TENM3: variants seen among roughly 807,000 people sequenced by gnomAD.
TENM3 encodes the protein teneurin-3.
TENM3 carries 63 observed loss-of-function variants against 255.1 expected under a neutral mutation model. That is an observed-to-expected ratio of 0.25 (90% CI 0.20 to 0.30). TENM3 has a LOEUF of 0.30. Among genes scored for constraint, TENM3 ranks in the 10% least tolerant of loss-of-function variants. The pLI is 1.00. For missense variants in TENM3, 2,929 were observed against 3,461.1 expected (o/e 0.85, Z 3.86); for synonymous variants, 1,306 against 1,322.3 (o/e 0.99, Z 0.27).
At chr4:181,928,880 T>C in the TENM3 span, among the ~76,000 whole-genome samples, 1 of 152,142 alleles carries the variant, frequency 6.6e-6, no homozygotes, top group Non-Finnish European at 1.5e-5. Context: ...AATATTCAAC[T>C]TTCTTAAAGA....
chr4:181,761,042 C>A, the TENM3 span, among the ~76,000 whole-genome samples: 1 of 148,340 alleles, frequency 6.7e-6, no homozygotes, highest in Admixed American at 6.7e-5. Context: ...TAAGTCTGTT[C>A]TATAAATTAT....
chr4:181,587,438 C>T, the TENM3 span, among the ~76,000 whole-genome samples: 31 of 152,182 alleles, frequency 2.0e-4, no homozygotes, highest in African/African-American at 7.0e-4. Context: ...ATGAAGCCTC[C>T]ATTTGCCGTC....
chr4:182,099,814 G>A, the TENM3 span, among the ~76,000 whole-genome samples: 1 of 152,160 alleles, frequency 6.6e-6, no homozygotes, highest in Admixed American at 6.5e-5. Context: ...GAAAAAGGCA[G>A]TAATCAGAAG....
intron 7 of TENM3, among the ~76,000 whole-genome samples, chr4:182,675,021 C>T (rs1046888539): frequency 2.6e-5 from 4 of 151,940 alleles, no homozygotes; most frequent in Non-Finnish European, 5.9e-5. Context: ...GGATTACAGG[C>T]GTGCACCACT....
At chr4:182,433,842 G>A (rs546983170) in intron 3 of TENM3, among the ~76,000 whole-genome samples, 4 of 152,226 alleles carry the variant, frequency 2.6e-5, no homozygotes, top group South Asian at 2.1e-4. Flanking sequence ...GCTGGGTGGC[G>A]TGATGGCTCA....
At chr4:182,466,505 A>G (rs981426141) in intron 3 of TENM3, among the ~76,000 whole-genome samples, 4 of 151,556 alleles carry the variant, frequency 2.6e-5, no homozygotes, top group African/African-American at 9.7e-5. Context: ...AATTTTTTTT[A>G]TATTTTTTGT....
the TENM3 span, among the ~76,000 whole-genome samples, chr4:182,136,500 G>A: frequency 2.6e-5 from 4 of 152,190 alleles, no homozygotes; most frequent in Non-Finnish European, 4.4e-5. Flanking sequence ...GGGCTGGGTG[G>A]AAGATTTACA....
chr4:181,967,189 A>G, the TENM3 span, among the ~76,000 whole-genome samples: 2 of 152,072 alleles, frequency 1.3e-5, no homozygotes, highest in African/African-American at 4.8e-5. Flanking sequence ...CTTTTCCTCA[A>G]CTTTGCAGCC....
chr4:182,118,689 G>A, the TENM3 span, among the ~76,000 whole-genome samples: 1 of 152,050 alleles, frequency 6.6e-6, no homozygotes, highest in Non-Finnish European at 1.5e-5. Flanking sequence ...GATTTTATCA[G>A]ATGTCTTTTC....
intron 1 of TENM3, among the ~76,000 whole-genome samples, chr4:182,321,542 C>G (rs1244507388): frequency 6.6e-6 from 1 of 152,014 alleles, no homozygotes; most frequent in Non-Finnish European, 1.5e-5. Flanking sequence ...AGGAGAATTG[C>G]TTGAACCTGG....
chr4:181,947,578 C>T, the TENM3 span, among the ~76,000 whole-genome samples: 1 of 152,078 alleles, frequency 6.6e-6, no homozygotes, highest in South Asian at 2.1e-4. Context: ...ATGTATTAAA[C>T]GTCTCATTGT....
chr4:181,931,000 T>C, the TENM3 span, among the ~76,000 whole-genome samples: 8 of 152,324 alleles, frequency 5.3e-5, 1 homozygote, highest in African/African-American at 1.9e-4. Flanking sequence ...AAACTAGCTA[T>C]TGATGGAACA....
rs768692186 is a variant in TENM3 at position 182,802,884 on chromosome 4, T to C, written c.*2533T>C. ...GGCAAAGCCAGTCAAAATGCTTTCA[T>C]GATATTTTGAGATGTAAATTTTGTC... On this transcript the variant is annotated 3_prime_UTR_variant, in exon 28 of 28. Coordinates refer to ENST00000511685, the MANE Select transcript of TENM3 (RefSeq NM_001080477.4). 6.6e-6 allele frequency: 1 copy of C among 152,664 alleles called. No individual in the cohort carries two copies. Among genetic ancestry groups the C allele is most frequent in the Non-Finnish European group, 1.5e-5 (1 of 68,042 alleles). 9.5% of individuals were successfully genotyped at this position (152,664 alleles called of 1,614,324 possible).
At chr4:181,702,133 G>A in the TENM3 span, among the ~76,000 whole-genome samples, 96 of 152,278 alleles carry the variant, frequency 6.3e-4, no homozygotes, top group African/African-American at 2.1e-3. Flanking sequence ...AGGTTGTGAC[G>A]GCAAATAGAA....
chr4:181,753,200 A>C, the TENM3 span, among the ~76,000 whole-genome samples: 1 of 152,356 alleles, frequency 6.6e-6, no homozygotes, highest in Admixed American at 6.5e-5. Context: ...TGCACCTGGT[A>C]TTCAGCAAAC....
At chr4:182,315,573 T>C (rs1417729487) in intron 1 of TENM3, among the ~76,000 whole-genome samples, 2 of 152,194 alleles carry the variant, frequency 1.3e-5, no homozygotes, top group African/African-American at 4.8e-5. Flanking sequence ...TGGTGTAGTT[T>C]TGTTCACATT....
intron 5 of TENM3, among the ~76,000 whole-genome samples, chr4:182,631,896 G>C (rs1203739231): frequency 6.6e-6 from 1 of 152,168 alleles, no homozygotes; most frequent in East Asian, 1.9e-4. Context: ...TCTAAGGTAA[G>C]TTGTCTCAGG....
intron 1 of TENM3, among the ~76,000 whole-genome samples, chr4:182,153,646 G>T (rs1750495155): frequency 6.6e-6 from 1 of 152,096 alleles, no homozygotes; most frequent in Non-Finnish European, 1.5e-5. Flanking sequence ...AGATCTGAAG[G>T]AGAGGACTGA....
chr4:181,511,867 G>A, the TENM3 span, among the ~76,000 whole-genome samples: 1 of 152,054 alleles, frequency 6.6e-6, no homozygotes. Flanking sequence ...CTTAAAATGG[G>A]ATAGAGACAA....
Sources: gnomAD v4.1 joint callset for allele counts (sites outside exome capture counted in the v4.1 genomes callset) on GRCh38, gnomAD v4.1.1 for gene constraint, MANE v1.5 for transcripts, NCBI Gene and HGNC (gene_info 2026-07-23, HGNC 2026-07-21) for gene names.